Variants in NBEA observed in about 807,000 individuals in gnomAD.
The protein encoded by NBEA is neurobeachin, also known as lysosomal-trafficking regulator 2.
In NBEA, 44 loss-of-function variants were observed where a neutral mutation model predicts 343.4. The observed-to-expected ratio is 0.13, with a 90% CI of 0.10 to 0.16. The LOEUF is 0.16. Among genes scored for constraint, NBEA ranks in the 10% least tolerant of loss-of-function variants. The pLI is 1.00. For missense variants in NBEA, 2,555 were observed against 3,631.3 expected (o/e 0.70, Z 7.62); for synonymous variants, 1,175 against 1,238.7 (o/e 0.95, Z 1.08).
chr13:35,261,347 A>T (rs969317783), intron 34 of NBEA, among the ~76,000 whole-genome samples: 7 of 152,112 alleles, frequency 4.6e-5, no homozygotes, highest in African/African-American at 7.2e-5. Context: ...CCCTGTCTCT[A>T]CTAAAAATAC....
At chr13:35,559,891 A>G (rs1293677856) in intron 44 of NBEA, among the ~76,000 whole-genome samples, 1 of 146,886 alleles carries the variant, frequency 6.8e-6, no homozygotes, top group Non-Finnish European at 1.5e-5. Flanking sequence ...AGATCCCACC[A>G]CTGGACTCCA....
intron 38 of NBEA, among the ~76,000 whole-genome samples, chr13:35,357,812 G>A (rs764630280): frequency 3.3e-5 from 5 of 151,970 alleles, no homozygotes; most frequent in African/African-American, 9.7e-5. Context: ...ATTGAGTTAC[G>A]TTACTATGAA....
chr13:35,322,824 A>G (rs1449988954), intron 36 of NBEA, among the ~76,000 whole-genome samples: 1 of 152,174 alleles, frequency 6.6e-6, no homozygotes, highest in Non-Finnish European at 1.5e-5. Flanking sequence ...ATATATTTCA[A>G]AATTTGTGAT....
chr13:35,474,860 T>C (rs2075792518), intron 41 of NBEA: 1 of 641,308 alleles, frequency 1.6e-6, no homozygotes, highest in African/African-American at 1.8e-5. Context: ...TGGCTTTGGG[T>C]TTTTCTCCAT....
Position 35,116,586 on chromosome 13 carries a change from T to C in NBEA, c.2003-828T>C, listed in dbSNP as rs2066503057. ...TAACTTGCTTGCAGATATAATAATCTTCATGTAAATATTAAGTGAATAAGC... is the reference window on the plus strand; with the variant it reads ...TAACTTGCTTGCAGATATAATAATCCTCATGTAAATATTAAGTGAATAAGC... On this transcript the variant is annotated intron_variant, in intron 13 of 58. Transcript: ENST00000379939. Among the ~76,000 whole-genome samples the C allele has an allele frequency of 2.0e-5, 3 of 152,256 alleles. 1 individual carries two copies. In the South Asian group the frequency reaches 6.2e-4, roughly 32 times the overall value.
chr13:35,203,799 G>A (rs1229376626), intron 31 of NBEA, among the ~76,000 whole-genome samples: 1 of 152,012 alleles, frequency 6.6e-6, no homozygotes, highest in Non-Finnish European at 1.5e-5. Context: ...AATATGTCCT[G>A]GCTTATACCA....
chr13:35,423,596 T>C (rs917153217), intron 38 of NBEA, among the ~76,000 whole-genome samples: 1 of 152,218 alleles, frequency 6.6e-6, no homozygotes, highest in African/African-American at 2.4e-5. Flanking sequence ...TGCCTCCAGC[T>C]TTGTTCTTTT....
intron 1 of NBEA, among the ~76,000 whole-genome samples, chr13:34,977,215 T>C (rs937477507): frequency 3.3e-5 from 5 of 151,884 alleles, no homozygotes; most frequent in Non-Finnish European, 5.9e-5. Flanking sequence ...GCTGCAATTA[T>C]AGGTGTGAGC....
At chr13:35,591,575 T>C (rs1184261951) in intron 46 of NBEA, among the ~76,000 whole-genome samples, 14 of 152,128 alleles carry the variant, frequency 9.2e-5, no homozygotes, top group Non-Finnish European at 1.8e-4. Flanking sequence ...TTGTTGATCT[T>C]ATCTCTTTCA....
At chr13:35,260,091 TCAAA>T (rs1566533133) in intron 34 of NBEA, among the ~76,000 whole-genome samples, 1 of 152,194 alleles carries the variant, frequency 6.6e-6, no homozygotes, top group Non-Finnish European at 1.5e-5. Context: ...GGATTTTACT[TCAAA>T]CACGTAAGAT....
intron 32 of NBEA, among the ~76,000 whole-genome samples, chr13:35,210,279 T>A (rs1410844103): frequency 6.7e-6 from 1 of 150,014 alleles, no homozygotes; most frequent in Non-Finnish European, 1.5e-5. Flanking sequence ...TTCTTAAAAG[T>A]GTGTGTGTGT....
intron 8 of NBEA, among the ~76,000 whole-genome samples, chr13:35,063,514 C>T (rs2063539628): frequency 6.6e-6 from 1 of 151,972 alleles, no homozygotes; most frequent in Non-Finnish European, 1.5e-5. Context: ...GACTGTTTTC[C>T]TGTGACTGTT....
Position 35,205,734 on chromosome 13 carries a change from A to G in NBEA, c.5367-2966A>G, listed in dbSNP as rs74048943. ...ATCAGCACTTTTGGGAGCCATAGCA[A>G]TACTCGTAATAGCTAAAATGTATTG... On this transcript the variant is annotated intron_variant, in intron 31 of 58. Transcript: ENST00000379939. Among the ~76,000 whole-genome samples the G allele has an allele frequency of 9.7e-3, 1,482 of 152,114 alleles. 21 individuals are homozygous for G. Among genetic ancestry groups the G allele is most frequent in the African/African-American group, 0.034 (1,429 of 41,518 alleles).
At chr13:35,013,983 A>G (rs1349628643) in intron 1 of NBEA, among the ~76,000 whole-genome samples, 2 of 152,044 alleles carry the variant, frequency 1.3e-5, no homozygotes, top group Non-Finnish European at 2.9e-5. Flanking sequence ...GAAATTCTCA[A>G]CTGCATGAGT....
chr13:35,319,689 G>A (rs1022924317), intron 36 of NBEA, among the ~76,000 whole-genome samples: 1 of 152,078 alleles, frequency 6.6e-6, no homozygotes, highest in South Asian at 2.1e-4. Flanking sequence ...TTGACAGTGG[G>A]GTGTTAAAGT....
intron 49 of NBEA, among the ~76,000 whole-genome samples, chr13:35,632,830 G>A (rs1214848706): frequency 6.6e-6 from 1 of 151,742 alleles, no homozygotes; most frequent in Non-Finnish European, 1.5e-5. Flanking sequence ...CTGACCTCAG[G>A]TGATCTGCCT....
At chr13:35,010,972 T>A (rs1318125653) in intron 1 of NBEA, among the ~76,000 whole-genome samples, 1 of 150,494 alleles carries the variant, frequency 6.6e-6, no homozygotes, top group Non-Finnish European at 1.5e-5. Context: ...TTTTTTTAAG[T>A]TGGGATAGAT....
chr13:34,984,427 A>G (rs559951923), intron 1 of NBEA, among the ~76,000 whole-genome samples: 1 of 152,316 alleles, frequency 6.6e-6, no homozygotes, highest in Non-Finnish European at 1.5e-5. Flanking sequence ...TACCAGTACC[A>G]TGCTGTTTTG....
intron 48 of NBEA, among the ~76,000 whole-genome samples, chr13:35,612,060 CTTG>C (rs2153055203): frequency 6.7e-6 from 1 of 149,086 alleles, no homozygotes; most frequent in South Asian, 2.2e-4. Flanking sequence ...CTCACTCCCA[CTTG>C]TTATTACCTG....
Sources: gnomAD v4.1 joint callset for allele counts (sites outside exome capture counted in the v4.1 genomes callset) on GRCh38, gnomAD v4.1.1 for gene constraint, MANE v1.5 for transcripts, NCBI Gene and HGNC (gene_info 2026-07-23, HGNC 2026-07-21) for gene names.